RNF220: variants seen among roughly 807,000 people sequenced by gnomAD.
RNF220 encodes ring finger protein 220.
Under a neutral mutation model 67.1 loss-of-function variants are expected in RNF220, and 7 were observed. That is an observed-to-expected ratio of 0.10 (90% CI 0.06 to 0.20). RNF220 has a LOEUF of 0.20. Ranked by LOEUF, RNF220 falls within the 10% of genes least tolerant of loss-of-function variation. The probability of loss-of-function intolerance (pLI) is 1.00; values close to 1 mark genes in which losing one functional copy is unlikely to be tolerated. For missense variants in RNF220, 565 were observed against 740.3 expected (o/e 0.76, Z 2.75); for synonymous variants, 270 against 283.2 (o/e 0.95, Z 0.47).
At chr1:44,544,508 C>A (rs996653422) in intron 2 of RNF220, among the ~76,000 whole-genome samples, 13 of 152,208 alleles carry the variant, frequency 8.5e-5, no homozygotes, top group Non-Finnish European at 1.6e-4. Flanking sequence ...CACGATAAAT[C>A]CTTTATAAAT....
chr1:44,583,395 C>T (rs949328717), intron 2 of RNF220, among the ~76,000 whole-genome samples: 6 of 152,104 alleles, frequency 3.9e-5, no homozygotes, highest in Admixed American at 1.3e-4. Flanking sequence ...CTCACTTCTC[C>T]CACTGACAAT....
intron 2 of RNF220, among the ~76,000 whole-genome samples, chr1:44,481,872 G>A (rs1655848320): frequency 6.6e-6 from 1 of 152,174 alleles, no homozygotes. Context: ...AAGACAAGAA[G>A]GGATGGAATC....
At chr1:44,414,225 A>G (rs1275194840) in intron 2 of RNF220, among the ~76,000 whole-genome samples, 1 of 152,086 alleles carries the variant, frequency 6.6e-6, no homozygotes, top group African/African-American at 2.4e-5. Context: ...GTGTTGGTTC[A>G]TTTGATTTTA....
intron 2 of RNF220, among the ~76,000 whole-genome samples, chr1:44,450,447 G>A (rs1015001670): frequency 3.9e-5 from 6 of 151,922 alleles, no homozygotes; most frequent in African/African-American, 9.7e-5. Flanking sequence ...TTCCACAAAC[G>A]TAAATAACTG....
intron 2 of RNF220, among the ~76,000 whole-genome samples, chr1:44,413,180 TG>T (rs1648157025): frequency 1.3e-5 from 2 of 152,208 alleles, no homozygotes; most frequent in South Asian, 4.1e-4. Context: ...AGACTCCACG[TG>T]ATTCTATTTT....
At chr1:44,638,626 C>T (rs1051669271) in intron 8 of RNF220, among the ~76,000 whole-genome samples, 2 of 152,172 alleles carry the variant, frequency 1.3e-5, no homozygotes, top group Non-Finnish European at 2.9e-5. Context: ...AGATCGGTTA[C>T]CTCAAATGTA....
intron 2 of RNF220, among the ~76,000 whole-genome samples, chr1:44,602,152 G>A (rs936690055): frequency 2.6e-5 from 4 of 152,094 alleles, no homozygotes; most frequent in Non-Finnish European, 5.9e-5. Context: ...GTCAAGAACA[G>A]GAAAAAAAAT....
chr1:44,528,851 C>T (rs1572782152), intron 2 of RNF220, among the ~76,000 whole-genome samples: 2 of 147,644 alleles, frequency 1.4e-5, no homozygotes, highest in East Asian at 2.0e-4. Flanking sequence ...TGACCTCAGG[C>T]GATCCACCCA....
intron 2 of RNF220, among the ~76,000 whole-genome samples, chr1:44,596,772 CT>C (rs1250152371): frequency 1.3e-5 from 2 of 152,234 alleles, no homozygotes; most frequent in African/African-American, 4.8e-5. Flanking sequence ...TGAGCCTCCC[CT>C]CCCATCATTC....
In RNF220 at chr1:44,625,435, T is replaced by C. The variant is rs558687457; in HGVS notation, c.805-862T>C. Among the ~76,000 whole-genome samples the C allele has an allele frequency of 1.7e-4, 26 of 152,350 alleles. No homozygotes were observed. In the South Asian group the frequency reaches 3.7e-3, roughly 22 times the overall value. ...CTAAGGCTCAGCCGGAGATGAAGGA[T>C]AAATGGCTGCTCCATCTTTCCCAAA... On this transcript the variant is annotated intron_variant, in intron 4 of 14. Transcript: ENST00000361799.
At chr1:44,498,603 G>A (rs999730450) in intron 2 of RNF220, among the ~76,000 whole-genome samples, 1 of 152,092 alleles carries the variant, frequency 6.6e-6, no homozygotes, top group African/African-American at 2.4e-5. Context: ...TTGTGCAGCC[G>A]TGGTTGAGAC....
chr1:44,469,320 C>T (rs907676287), intron 2 of RNF220, among the ~76,000 whole-genome samples: 1 of 152,114 alleles, frequency 6.6e-6, no homozygotes, highest in African/African-American at 2.4e-5. Flanking sequence ...TAATTCCTTC[C>T]AATCCGTAGG....
chr1:44,426,170 A>G (rs994850826), intron 2 of RNF220, among the ~76,000 whole-genome samples: 2 of 152,212 alleles, frequency 1.3e-5, no homozygotes, highest in Non-Finnish European at 2.9e-5. Flanking sequence ...TTCCAGGGCC[A>G]GTGACTCTAT....
chr1:44,635,317 G>A (rs1644292575), intron 6 of RNF220: 3 of 541,588 alleles, frequency 5.5e-6, no homozygotes, highest in Admixed American at 3.2e-5. Flanking sequence ...CAGCCAAAGA[G>A]TGGACTTACT....
rs1644736457 is a variant in RNF220 at position 44,649,615 on chromosome 1, A to G, written c.1446-46A>G. 6.4e-7 allele frequency: 1 copy of G among 1,569,494 alleles called. No homozygotes were observed. The highest frequency in any genetic ancestry group is 1.4e-5 in the African/African-American group (1 of 74,030). The stretch of plus-strand genomic sequence containing the variant: ...AGGGAGGCGTAGGCTGGAGGTACAG[A>G]TGAGAGATGCCAGCCTGCTACCCAA... On this transcript the variant is annotated intron_variant, in intron 12 of 14. Transcript: ENST00000361799. The surrounding 1 kb of genome is among the most constrained non-coding windows in gnomAD (Gnocchi z 5.9).
At chr1:44,579,640 T>C (rs1442187529) in intron 2 of RNF220, among the ~76,000 whole-genome samples, 2 of 152,184 alleles carry the variant, frequency 1.3e-5, no homozygotes, top group African/African-American at 4.8e-5. Flanking sequence ...TATTTGTGGA[T>C]ATTGTTTATT....
chr1:44,523,942 GGGAATTAGCT>G (rs1660147440), intron 2 of RNF220, among the ~76,000 whole-genome samples: 1 of 152,164 alleles, frequency 6.6e-6, no homozygotes, highest in Admixed American at 6.5e-5. Flanking sequence ...CAGGTCCCTG[GGGAATTAGCT>G]GGGGGACCCA....
rs930780799 is a variant in RNF220 at position 44,606,290 on chromosome 1, A to G, written c.626-7875A>G. Reference sequence around the variant, plus strand: ...GAATCATAGTCTTGGGGCCTCGTTCATATTGACTGAAGGTAAAAAATGCCA... The same window carrying G: ...GAATCATAGTCTTGGGGCCTCGTTCGTATTGACTGAAGGTAAAAAATGCCA... On this transcript the variant is annotated intron_variant, in intron 2 of 14. Coordinates refer to ENST00000361799, the MANE Select transcript of RNF220 (RefSeq NM_018150.4). The surrounding 1 kb of genome is among the most constrained non-coding windows in gnomAD (Gnocchi z 4.2). Among the ~76,000 whole-genome samples the G allele has an allele frequency of 2.6e-5, 4 of 152,254 alleles. No homozygotes were observed. The highest frequency in any genetic ancestry group is 2.1e-4 in the South Asian group (1 of 4,836).
intron 2 of RNF220, among the ~76,000 whole-genome samples, chr1:44,480,400 G>C (rs751762092): frequency 6.6e-6 from 1 of 151,500 alleles, no homozygotes; most frequent in Non-Finnish European, 1.5e-5. Flanking sequence ...AAGTGACTCT[G>C]TCTCAAAAAT....
Sources: gnomAD v4.1 joint callset for allele counts (sites outside exome capture counted in the v4.1 genomes callset) on GRCh38, gnomAD v4.1.1 for gene constraint, Gnocchi (gnomAD v3.1) non-coding constraint, MANE v1.5 for transcripts, NCBI Gene and HGNC (gene_info 2026-07-23, HGNC 2026-07-21) for gene names.